The following KAZN variants were observed in gnomAD, a reference collection of about 807,000 sequenced individuals.
The protein encoded by KAZN is kazrin.
Under a neutral mutation model 87.4 loss-of-function variants are expected in KAZN, and 40 were observed. The ratio of observed to expected loss-of-function variants is 0.46; its 90% CI spans 0.36 to 0.60. The LOEUF is 0.60. Among genes scored for constraint, KAZN ranks in the 20% least tolerant of loss-of-function variants. The probability of loss-of-function intolerance (pLI) is 0.00; values close to 1 mark genes in which losing one functional copy is unlikely to be tolerated. For missense variants in KAZN, 898 were observed against 1,073.9 expected, an observed-to-expected ratio of 0.84 and a Z score of 2.29; for synonymous variants, 466 against 458.3, an observed-to-expected ratio of 1.02 and a Z score of -0.22.
At chr1:14,746,476 C>T (rs1225349621) in intron 1 of KAZN, among the ~76,000 whole-genome samples, 1 of 152,086 alleles carries the variant, frequency 6.6e-6, no homozygotes, top group Non-Finnish European at 1.5e-5. Flanking sequence ...GAGAAACAGA[C>T]AACATGGCTA....
At chr1:13,915,477 C>G (rs1202902779) in intron 1 of KAZN, among the ~76,000 whole-genome samples, 1 of 152,128 alleles carries the variant, frequency 6.6e-6, no homozygotes, top group African/African-American at 2.4e-5. Context: ...ACTTTGGGGC[C>G]CATGAACGTC....
chr1:14,076,177 A>AGGCT lies in KAZN; in HGVS notation c.92-104256_92-104253dup, dbSNP rs201375856. ...ACACCTGTAGTCCCAGCTACTCGGG[A>AGGCT]GGCTGAGGCAGGAGAATGGCGTGAA... On this transcript the variant is annotated intron_variant, in intron 1 of 16. Coordinates refer to the KAZN transcript ENST00000636203. Among the ~76,000 whole-genome samples the AGGCT allele has an allele frequency of 3.3e-3, 496 of 152,128 alleles. 15 individuals are homozygous for AGGCT. The East Asian group carries it at 0.059, about 18-fold the overall frequency.
chr1:14,052,941 A>T (rs1642402729), intron 1 of KAZN, among the ~76,000 whole-genome samples: 1 of 152,090 alleles, frequency 6.6e-6, no homozygotes, highest in African/African-American at 2.4e-5. Flanking sequence ...GACAGAGCCT[A>T]GGATGACCCG....
Position 15,096,451 on chromosome 1 carries a change from G to A in KAZN, c.1547+1518G>A, listed in dbSNP as rs767016370. On this transcript the variant is annotated intron_variant, in intron 10 of 14. Coordinates refer to ENST00000376030, the MANE Select transcript of KAZN (RefSeq NM_201628.3). This position sits in a 1 kb window ranked among gnomAD's most constrained non-coding sequence, Gnocchi z 4.5. ...ACCGTCCTCTGCCTCCCAGGGGTGC[G>A]GCCTGCCCAGCCCCTGCCCCCGACA... Among the ~76,000 whole-genome samples the A allele has an allele frequency of 9.8e-5, 15 of 152,316 alleles. No individual in the cohort carries two copies. Among genetic ancestry groups the A allele is most frequent in the Middle Eastern group, 3.4e-3 (1 of 294 alleles).
intron 1 of KAZN, among the ~76,000 whole-genome samples, chr1:14,029,956 A>G (rs1216301459): frequency 6.6e-6 from 1 of 152,200 alleles, no homozygotes; most frequent in East Asian, 1.9e-4. Flanking sequence ...TTGGCAATGC[A>G]GGCTCTTTTT....
At chr1:14,279,217 A>G (rs1043408553) in intron 2 of KAZN, among the ~76,000 whole-genome samples, 3 of 152,180 alleles carry the variant, frequency 2.0e-5, no homozygotes, top group Non-Finnish European at 4.4e-5. Flanking sequence ...AGGAAGAGGG[A>G]GCAACTAAGT....
At chr1:13,955,061 G>A (rs927077248) in intron 1 of KAZN, among the ~76,000 whole-genome samples, 1 of 152,152 alleles carries the variant, frequency 6.6e-6, no homozygotes, top group African/African-American at 2.4e-5. Context: ...ATGTTGAAAG[G>A]TCCTCAGAAA....
intron 2 of KAZN, among the ~76,000 whole-genome samples, chr1:14,185,824 T>A (rs571985194): frequency 6.6e-6 from 1 of 152,194 alleles, no homozygotes; most frequent in Non-Finnish European, 1.5e-5. Context: ...TGTCTAGGGT[T>A]TTTTTAAATT....
chr1:14,866,264 T>C (rs920961875), intron 1 of KAZN, among the ~76,000 whole-genome samples: 2 of 152,160 alleles, frequency 1.3e-5, no homozygotes, highest in African/African-American at 4.8e-5. Context: ...TAGATGACTA[T>C]GCAATGAATT....
At chr1:15,074,026 C>T (rs1197946270) in intron 8 of KAZN, among the ~76,000 whole-genome samples, 1 of 152,262 alleles carries the variant, frequency 6.6e-6, no homozygotes. Flanking sequence ...TTCAGGGCCC[C>T]TGAGCCCGGC....
chr1:14,828,284 T>G (rs1039108376), intron 1 of KAZN, among the ~76,000 whole-genome samples: 1 of 152,252 alleles, frequency 6.6e-6, no homozygotes, highest in Non-Finnish European at 1.5e-5. Context: ...CATGTATCAC[T>G]GCACTGTGTA....
intron 1 of KAZN, among the ~76,000 whole-genome samples, chr1:14,721,085 T>C (rs1643075081): frequency 6.6e-6 from 1 of 152,216 alleles, no homozygotes; most frequent in African/African-American, 2.4e-5. Flanking sequence ...TGAGCGGTGG[T>C]ATTGATGCTG....
At chr1:15,044,292 G>A (rs1399482629) in intron 4 of KAZN, 133 bp downstream of exon 4, 1 of 932,466 alleles carries the variant, frequency 1.1e-6, no homozygotes, top group Non-Finnish European at 1.5e-6. Context: ...ACAAGCAGGG[G>A]GCAGGGCCCG....
intron 1 of KAZN, among the ~76,000 whole-genome samples, chr1:14,827,009 A>G (rs1022478471): frequency 6.6e-6 from 1 of 152,080 alleles, no homozygotes; most frequent in African/African-American, 2.4e-5. Context: ...CACCTATTGG[A>G]GCTGCCGTGA....
intron 2 of KAZN, among the ~76,000 whole-genome samples, chr1:14,240,389 G>A (rs1386765583): frequency 6.6e-6 from 1 of 152,206 alleles, no homozygotes; most frequent in East Asian, 1.9e-4. Flanking sequence ...AGCCCCCATG[G>A]GGAAGACACC....
chr1:14,853,221 G>A (rs1042780345), intron 1 of KAZN, among the ~76,000 whole-genome samples: 1 of 152,102 alleles, frequency 6.6e-6, no homozygotes, highest in African/African-American at 2.4e-5. Flanking sequence ...TTAGAGGAGC[G>A]ATCACAACAC....
intron 2 of KAZN, among the ~76,000 whole-genome samples, chr1:14,543,204 T>C (rs1270034970): frequency 6.6e-6 from 1 of 152,214 alleles, no homozygotes; most frequent in Non-Finnish European, 1.5e-5. Context: ...ACTCAACATA[T>C]AATCTACATC....
At chr1:14,416,544 C>A (rs908024624) in intron 2 of KAZN, among the ~76,000 whole-genome samples, 1 of 152,098 alleles carries the variant, frequency 6.6e-6, no homozygotes, top group Non-Finnish European at 1.5e-5. Flanking sequence ...CAAGACAAGC[C>A]TGGTCAACAT....
chr1:14,449,008 G>A (rs1443161057), intron 2 of KAZN, among the ~76,000 whole-genome samples: 1 of 152,188 alleles, frequency 6.6e-6, no homozygotes, highest in African/African-American at 2.4e-5. Context: ...GGTAGAATCT[G>A]ATCTGCATTG....
Sources: allele counts gnomAD v4.1 joint callset (sites outside exome capture counted in the v4.1 genomes callset), GRCh38; gene constraint gnomAD v4.1.1; non-coding constraint Gnocchi (gnomAD v3.1); transcripts MANE v1.5; gene names NCBI Gene and HGNC (gene_info 2026-07-23, HGNC 2026-07-21).